BRD10: variants seen among roughly 807,000 people sequenced by gnomAD.
BRD10 encodes the protein uncharacterized bromodomain-containing protein 10.
chr9:5,903,822 T>A, the BRD10 span, among the ~76,000 whole-genome samples: 1 of 152,204 alleles, frequency 6.6e-6, no homozygotes, highest in Non-Finnish European at 1.5e-5. Context: ...CTACTTTCTT[T>A]TCATTAGTGT....
the BRD10 span, chr9:5,922,196 T>C: frequency 6.2e-7 from 1 of 1,614,008 alleles, no homozygotes; most frequent in Non-Finnish European, 8.5e-7. Context: ...TTTCAGCTCT[T>C]GCTTTGCTTC....
At chr9:6,007,877 C>T in the BRD10 span, 1 of 1,368,624 alleles carries the variant, frequency 7.3e-7, no homozygotes, top group African/African-American at 1.5e-5. Context: ...ACGGCTCGGC[C>T]GCGGCGCGTA....
At chr9:5,911,405 G>T in the BRD10 span, among the ~76,000 whole-genome samples, 2,601 of 103,354 alleles carry the variant, frequency 0.025, 67 homozygotes, top group South Asian at 0.16. Flanking sequence ...GTCTATGTGT[G>T]TTTTTTTTTT....
At chr9:5,992,550 T>A in the BRD10 span, among the ~76,000 whole-genome samples, 1 of 152,040 alleles carries the variant, frequency 6.6e-6, no homozygotes, top group African/African-American at 2.4e-5. Context: ...CACACTAAAA[T>A]AGCTCTCCCG....
At chr9:5,923,270 C>G in the BRD10 span, 1 of 1,611,838 alleles carries the variant, frequency 6.2e-7, no homozygotes, top group Non-Finnish European at 8.5e-7. Flanking sequence ...CAGCTTGCTT[C>G]TAGCCATAGG....
the BRD10 span, among the ~76,000 whole-genome samples, chr9:5,883,821 G>T: frequency 2.0e-5 from 3 of 152,008 alleles, no homozygotes; most frequent in African/African-American, 7.2e-5. Flanking sequence ...ATAGTTTTGG[G>T]GACACCTTCA....
the BRD10 span, among the ~76,000 whole-genome samples, chr9:5,976,164 A>C: frequency 1.3e-5 from 2 of 152,214 alleles, no homozygotes; most frequent in African/African-American, 4.8e-5. Flanking sequence ...AGCCTTAAAG[A>C]TACTCTGTGA....
chr9:5,915,062 T>C, the BRD10 span, among the ~76,000 whole-genome samples: 1 of 152,228 alleles, frequency 6.6e-6, no homozygotes, highest in Non-Finnish European at 1.5e-5. Context: ...ACTAAATTAA[T>C]AGATTTAGGG....
At chr9:5,922,316 G>C in the BRD10 span, 1 of 1,613,912 alleles carries the variant, frequency 6.2e-7, no homozygotes, top group South Asian at 1.1e-5. Flanking sequence ...GGAAATGGTC[G>C]GTGAAGCACT....
the BRD10 span, among the ~76,000 whole-genome samples, chr9:5,970,199 G>C: frequency 6.6e-6 from 1 of 151,792 alleles, no homozygotes; most frequent in Non-Finnish European, 1.5e-5. Context: ...TTTTATATAA[G>C]AAAAACAAAA....
chr9:5,961,177 A>G, the BRD10 span, among the ~76,000 whole-genome samples: 21 of 152,216 alleles, frequency 1.4e-4, no homozygotes, highest in Admixed American at 1.4e-3. Flanking sequence ...AATGTTATAG[A>G]ATAGAGAGGA....
At chr9:5,920,986 G>C in the BRD10 span, 6 of 1,613,944 alleles carry the variant, frequency 3.7e-6, no homozygotes, top group Non-Finnish European at 5.1e-6. Context: ...CTGAAGCAGA[G>C]GCTGAGGTCA....
chr9:5,967,344 A>G, the BRD10 span, among the ~76,000 whole-genome samples: 6 of 152,230 alleles, frequency 3.9e-5, no homozygotes, highest in Non-Finnish European at 7.3e-5. Flanking sequence ...TCAAAAGCAG[A>G]GCAATCGGCC....
chr9:5,993,482 G>A, the BRD10 span, among the ~76,000 whole-genome samples: 2 of 152,144 alleles, frequency 1.3e-5, no homozygotes, highest in Admixed American at 6.5e-5. Flanking sequence ...ATTTACAAAT[G>A]TGCAGGCAAG....
At chr9:5,977,836 A>G in the BRD10 span, among the ~76,000 whole-genome samples, 58 of 151,926 alleles carry the variant, frequency 3.8e-4, no homozygotes, top group African/African-American at 1.4e-3. Flanking sequence ...CTCCGTCTCA[A>G]AAAAGAAAAA....
At chr9:5,895,785 C>T in the BRD10 span, among the ~76,000 whole-genome samples, 5 of 152,226 alleles carry the variant, frequency 3.3e-5, no homozygotes, top group African/African-American at 1.2e-4. Flanking sequence ...CACTCTGAGG[C>T]GCCCTGCCAA....
the BRD10 span, among the ~76,000 whole-genome samples, chr9:5,986,101 C>T: frequency 1.3e-5 from 2 of 152,170 alleles, no homozygotes; most frequent in South Asian, 4.1e-4. Flanking sequence ...CATGCATTAG[C>T]TATTTATCCT....
the BRD10 span, among the ~76,000 whole-genome samples, chr9:5,913,564 C>T: frequency 1.3e-5 from 2 of 152,108 alleles, no homozygotes; most frequent in African/African-American, 4.8e-5. Flanking sequence ...AAATGCTTGA[C>T]AACTTGAAAA....
chr9:5,906,689 A>T, the BRD10 span, among the ~76,000 whole-genome samples: 1 of 152,336 alleles, frequency 6.6e-6, no homozygotes, highest in East Asian at 1.9e-4. Context: ...AGCAATTCTG[A>T]GAGGTAGGTA....
Sources: gnomAD v4.1 joint callset for allele counts (sites outside exome capture counted in the v4.1 genomes callset) on GRCh38, gnomAD v4.1.1 for gene constraint, MANE v1.5 for transcripts, NCBI Gene and HGNC (gene_info 2026-07-23, HGNC 2026-07-21) for gene names.